DAGLB: variants seen among roughly 807,000 people sequenced by gnomAD.
The protein encoded by DAGLB is diacylglycerol lipase beta, also known as diacylglycerol lipase-beta.
Under a neutral mutation model 72.1 loss-of-function variants are expected in DAGLB, and 66 were observed. That is an observed-to-expected ratio of 0.92 (90% CI 0.75 to 1.12). The LOEUF is 1.12. DAGLB is among the 50% of genes most tolerant of loss of function. The probability of loss-of-function intolerance (pLI) is 0.00; values close to 1 mark genes in which losing one functional copy is unlikely to be tolerated. For missense variants in DAGLB, 1,065 were observed against 884.9 expected (o/e 1.20, Z -2.58); for synonymous variants, 414 against 359.5 (o/e 1.15, Z -1.71).
chr7:6,416,638 C>CCGGGGTGGGGAGAAGG lies in DAGLB; in HGVS notation c.1400_1415dup (p.Gly473LeufsTer54). 6.2e-7 allele frequency: 1 copy of CCGGGGTGGGGAGAAGG among 1,609,714 alleles called. No individual in the cohort carries two copies. Among genetic ancestry groups the CCGGGGTGGGGAGAAGG allele is most frequent in the Non-Finnish European group, 8.5e-7 (1 of 1,177,506 alleles). Reference sequence around the variant, plus strand: ...AAACAAAGGCTCACCTCCACAGCCCCCGGGGTGGGGAGAAGGCGTAGCACC... The same window carrying CCGGGGTGGGGAGAAGG: ...AAACAAAGGCTCACCTCCACAGCCCCCGGGGTGGGGAGAAGGCGGGGTGGGGAGAAGGCGTAGCACC... On this transcript the variant is annotated frameshift_variant, in exon 11 of 15. Coordinates refer to ENST00000297056, the MANE Select transcript of DAGLB (RefSeq NM_139179.4). LOFTEE classifies it high-confidence loss of function.
chr7:6,434,962 C>T lies in DAGLB; in HGVS notation c.478G>A (p.Gly160Arg). ...GCAGAGGAATATGGAGCCATTTTCCCCCCAAGAGGGTCAAAGACAATGATA... is the reference window on the plus strand; with the variant it reads ...GCAGAGGAATATGGAGCCATTTTCCTCCCAAGAGGGTCAAAGACAATGATA... The part of the protein sequence containing the change: ...SIIIVFDPLG[G>R]KMAPYSSAGP... Residue 160 changes from glycine to arginine, a missense_variant, in exon 4 of 15, where the codon GGG becomes AGG. Coordinates refer to ENST00000297056, the MANE Select transcript of DAGLB (RefSeq NM_139179.4). 1.9e-6 allele frequency: 3 copies of T among 1,614,052 alleles called. No homozygotes were observed. The highest frequency in any genetic ancestry group is 1.7e-5 in the Admixed American group (1 of 59,990).
At position 6,434,740 on chromosome 7, in the gene DAGLB, A is replaced by G. The variant is rs370111006; in HGVS notation, c.678+22T>C. 5.6e-6 allele frequency: 9 copies of G among 1,613,134 alleles called. No individual in the cohort carries two copies. In the East Asian group the frequency reaches 2.0e-4, roughly 36 times the overall value. On this transcript the variant is annotated intron_variant, in intron 4 of 14. Coordinates refer to ENST00000297056, the MANE Select transcript of DAGLB (RefSeq NM_139179.4). ...TTTACTGAAACAGAAGAAACAGACC[A>G]AACCAGATCCCCTCGGCTTACTGAA...
intron 11 of DAGLB, among the ~76,000 whole-genome samples, chr7:6,415,380 T>TA (rs1283360774): frequency 1.3e-5 from 2 of 151,904 alleles, no homozygotes; most frequent in African/African-American, 4.8e-5. Flanking sequence ...TTTTGTTCTT[T>TA]ACGTACATAC....
Position 6,445,977 on chromosome 7 carries a change from C to T in DAGLB, c.223G>A (p.Ala75Thr), listed in dbSNP as rs1168248968. ...LLAVVICTVS[A>T]IMCVSMRGTI... Reference sequence around the variant, plus strand: ...CCTCTCATGCTGACACACATGATGGCTGACACAGTACATATGACAACTGCC... The same window carrying T: ...CCTCTCATGCTGACACACATGATGGTTGACACAGTACATATGACAACTGCC... Residue 75 changes from alanine (A) to threonine (T), a missense_variant, in exon 2 of 15, where the codon GCC becomes ACC. Transcript: ENST00000297056. The T allele has an allele frequency of 1.2e-6, 2 of 1,607,518 alleles. No homozygotes were observed. Among genetic ancestry groups the T allele is most frequent in the East Asian group, 2.2e-5 (1 of 44,858 alleles).
Position 6,416,909 on chromosome 7 carries a change from CT to C in DAGLB, c.1230del (p.Ala411LeufsTer15). The part of the protein sequence containing the change: ...QDRLAHKGIS[Q>X]AARYVYQRLI... The stretch of plus-strand genomic sequence containing the variant: ...AGTCGTTGGTAAACGTATCTGGCAG[CT>C]TGAGAAATACCCTAAAAACACAGAC... On this transcript the variant is annotated frameshift_variant, in exon 10 of 15. Coordinates refer to ENST00000297056, the MANE Select transcript of DAGLB (RefSeq NM_139179.4). LOFTEE classifies it high-confidence loss of function. The C allele has an allele frequency of 6.2e-7, 1 of 1,614,162 alleles. No homozygotes were observed. Among genetic ancestry groups the C allele is most frequent in the South Asian group, 1.1e-5 (1 of 91,090 alleles).
At chr7:6,444,555 G>C (rs544520625) in intron 2 of DAGLB, among the ~76,000 whole-genome samples, 43 of 152,120 alleles carry the variant, frequency 2.8e-4, no homozygotes, top group African/African-American at 1.0e-3. Context: ...TGAGCAGAGA[G>C]CACGCCACTG....
At chr7:6,438,677 T>C (rs1422758718) in intron 2 of DAGLB, among the ~76,000 whole-genome samples, 2 of 152,196 alleles carry the variant, frequency 1.3e-5, no homozygotes, top group African/African-American at 4.8e-5. Context: ...CTGCTGATAC[T>C]GCATTAATGA....
chr7:6,434,781 A>C lies in DAGLB; in HGVS notation c.659T>G (p.Leu220Arg), dbSNP rs1363764030. ...TRVAFSSTAE[L>R]FSTYFSDTDL... is the part of the protein sequence containing the mutation. ...GCTTACTGAAAAGTAGGTTGAGAAA[A>C]GCTCTGCCGTACTCGAAAAAGCAAC... Residue 220 changes from leucine to arginine, a missense_variant, in exon 4 of 15, where the codon CTT (leucine) becomes CGT (arginine). Transcript: ENST00000297056. 3 of 1,614,028 alleles carry C rather than the reference A, an allele frequency of 1.9e-6. No homozygotes were observed. The highest frequency in any genetic ancestry group is 1.7e-5 in the Admixed American group (1 of 59,972).
chr7:6,435,989 T>C (rs2115283397), intron 3 of DAGLB, among the ~76,000 whole-genome samples: 1 of 152,292 alleles, frequency 6.6e-6, no homozygotes, highest in African/African-American at 2.4e-5. Flanking sequence ...GTATCTCTTT[T>C]CATACCTTTA....
intron 9 of DAGLB, among the ~76,000 whole-genome samples, chr7:6,420,910 C>T (rs1784092730): frequency 2.0e-5 from 3 of 152,186 alleles, no homozygotes; most frequent in Non-Finnish European, 2.9e-5. Flanking sequence ...CCCGGCAGAG[C>T]GCCCGTGGGG....
chr7:6,422,157 G>GT, intron 8 of DAGLB: 1 of 372,152 alleles, frequency 2.7e-6, no homozygotes, highest in East Asian at 6.8e-5. Flanking sequence ...CAGGAGCCCC[G>GT]TAACAGGTGA....
In DAGLB at chr7:6,421,795, T is replaced by C; in HGVS notation, c.1150A>G (p.Thr384Ala). 1 of 1,612,916 alleles carries C rather than the reference T, an allele frequency of 6.2e-7. No homozygotes were observed. ...RGTMSLQDVLTDLSAESEVLD... is the reference protein window; with the variant it reads ...RGTMSLQDVLADLSAESEVLD... ...ACCTCACTCTCCGCTGACAGGTCCGTAAGGACATCCTGTAAAAAGGGCGTT... is the reference window on the plus strand; with the variant it reads ...ACCTCACTCTCCGCTGACAGGTCCGCAAGGACATCCTGTAAAAAGGGCGTT... Residue 384 changes from threonine to alanine, a missense_variant, in exon 9 of 15, where the codon ACG (threonine) becomes GCG (alanine). Physicochemically the swap from Thr to Ala is moderately conservative, Grantham distance 58 (BLOSUM62 0). Transcript: ENST00000297056.
chr7:6,417,014 G>A (rs1183105689), intron 9 of DAGLB, 93 bp from the exon 10 acceptor site: 7 of 1,391,288 alleles, frequency 5.0e-6, no homozygotes, highest in Non-Finnish European at 7.1e-6. Context: ...GCACTGATGT[G>A]TGAGTCTCTC....
chr7:6,412,838 T>G lies in DAGLB; in HGVS notation c.1542A>C (p.Arg514=). 6.3e-7 allele frequency: 1 copy of G among 1,599,656 alleles called. No homozygotes were observed. Residue 514 remains arginine (R), a synonymous_variant, in exon 13 of 15, where the codon CGA becomes CGC. Transcript: ENST00000297056. ...NLEDLKRRIL[R]VVAHCNKPKY... ...TGGGTTTATTGCAGTGCGCGACCAC[T>G]CGCAAGATTCTTCTCTTCAGATCTT...
intron 2 of DAGLB, among the ~76,000 whole-genome samples, chr7:6,445,249 G>C (rs1001166334): frequency 6.6e-6 from 1 of 152,112 alleles, no homozygotes; most frequent in South Asian, 2.1e-4. Flanking sequence ...AATGGCAAAG[G>C]GATAAATAAA....
chr7:6,417,016 G>T, intron 9 of DAGLB, 95 bp from the exon 10 acceptor site: 1 of 1,383,932 alleles, frequency 7.2e-7, no homozygotes, highest in Non-Finnish European at 1.0e-6. Flanking sequence ...ACTGATGTGT[G>T]AGTCTCTCCT....
intron 4 of DAGLB, 49 bp downstream of exon 4, chr7:6,434,713 C>A (rs764151158): frequency 1.2e-6 from 2 of 1,606,788 alleles, no homozygotes; most frequent in Non-Finnish European, 8.5e-7. Context: ...CCATCAGAAG[C>A]ATTTACTGAA....
chr7:6,410,136 G>A lies in DAGLB; in HGVS notation c.1814C>T (p.Ser605Leu), dbSNP rs769550995. The A allele has an allele frequency of 2.5e-5, 40 of 1,572,776 alleles. No homozygotes were observed. The highest frequency in any genetic ancestry group is 7.1e-5 in the Admixed American group (4 of 55,982). ...RIIHLQEEGA[S>L]GRFGCCSAAH... Reference sequence around the variant, plus strand: ...CCCACCACGCCGCACTCACCGCCCCGAGGCGCCCTCCTCCTGCAGGTGGAT... The same window carrying A: ...CCCACCACGCCGCACTCACCGCCCCAAGGCGCCCTCCTCCTGCAGGTGGAT... The change falls in exon 14 of 15, where the codon TCG (serine) becomes TTG (leucine). Residue 605 changes from serine to leucine, a missense_variant. Coordinates refer to ENST00000297056, the MANE Select transcript of DAGLB (RefSeq NM_139179.4).
chr7:6,442,565 T>C (rs1315425322), intron 2 of DAGLB, among the ~76,000 whole-genome samples: 1 of 152,154 alleles, frequency 6.6e-6, no homozygotes, highest in Non-Finnish European at 1.5e-5. Context: ...TAATGCTGTA[T>C]CTGAAATGAC....
Sources: gnomAD v4.1 joint callset for allele counts (sites outside exome capture counted in the v4.1 genomes callset) on GRCh38, gnomAD v4.1.1 for gene constraint, MANE v1.5 for transcripts, NCBI Gene and HGNC (gene_info 2026-07-23, HGNC 2026-07-21) for gene names.